Variants in THADA observed in about 807,000 individuals in gnomAD.
THADA encodes THADA armadillo repeat containing.
A neutral mutation model predicts 219.8 loss-of-function variants in THADA; 213 were observed. That is an observed-to-expected ratio of 0.97 (90% confidence interval 0.87 to 1.09). The LOEUF is 1.09. THADA is among the 50% of genes least tolerant of loss of function. The probability of loss-of-function intolerance (pLI) is 0.00; values close to 1 mark genes in which losing one functional copy is unlikely to be tolerated. For synonymous variants in THADA, 1,018 were observed against 828.9 expected (o/e 1.23, Z -3.92); for missense variants, 2,956 against 2,311.3 (o/e 1.28, Z -5.72).
At chr2:43,380,153 C>G (rs1340880755) in intron 29 of THADA, among the ~76,000 whole-genome samples, 1 of 152,102 alleles carries the variant, frequency 6.6e-6, no homozygotes, top group Non-Finnish European at 1.5e-5. Flanking sequence ...AGTGCAAAGA[C>G]TAAAGTTTAA....
chr2:43,398,500 G>A (rs1194831993), intron 28 of THADA, among the ~76,000 whole-genome samples: 1 of 152,148 alleles, frequency 6.6e-6, no homozygotes, highest in South Asian at 2.1e-4. Flanking sequence ...AGTCACCATT[G>A]TCTTTGAAGA....
intron 26 of THADA, 29 bp from the exon 27 acceptor site, chr2:43,430,331 A>G (rs1459106767): frequency 1.5e-6 from 2 of 1,301,452 alleles, no homozygotes; most frequent in Middle Eastern, 1.8e-4. Flanking sequence ...AAAATTTATT[A>G]TCATTTATTC....
chr2:43,593,461 A>G (rs1306973066), intron 1 of THADA, among the ~76,000 whole-genome samples: 1 of 152,188 alleles, frequency 6.6e-6, no homozygotes, highest in African/African-American at 2.4e-5. Flanking sequence ...AGGAGCCATA[A>G]CAAACAATGG....
rs548402739 is a variant in THADA, at chr2:43,352,584, A to G, written c.4228-8347T>C. 2.8e-4 allele frequency among the ~76,000 whole-genome samples: 42 copies of G among 152,142 alleles called. No individual in the cohort carries two copies. The East Asian group carries it at 5.6e-3, about 20-fold the overall frequency. ...AATAATAATAATAATAAAAAAATGC[A>G]GATGATTTGTTCAGTCAAGACAAAG... On this transcript the variant is annotated intron_variant, in intron 29 of 37. Coordinates refer to ENST00000405975, the MANE Select transcript of THADA (RefSeq NM_022065.5).
chr2:43,422,624 G>C (rs979751223), intron 28 of THADA, among the ~76,000 whole-genome samples: 1 of 152,136 alleles, frequency 6.6e-6, no homozygotes, highest in Non-Finnish European at 1.5e-5. Flanking sequence ...CCCTCATTTT[G>C]TATGTATATA....
chr2:43,435,332 G>A (rs948560964), intron 26 of THADA, among the ~76,000 whole-genome samples: 4 of 152,022 alleles, frequency 2.6e-5, no homozygotes, highest in Non-Finnish European at 5.9e-5. Context: ...GGTGGTGCAC[G>A]CCTGTAATCC....
chr2:43,588,762 A>G (rs934171307), intron 4 of THADA, among the ~76,000 whole-genome samples: 9 of 152,148 alleles, frequency 5.9e-5, no homozygotes, highest in Non-Finnish European at 1.3e-4. Flanking sequence ...ACAATTTAAC[A>G]ATATCTACCA....
intron 31 of THADA, among the ~76,000 whole-genome samples, chr2:43,301,424 A>G (rs1676252983): frequency 6.6e-6 from 1 of 152,198 alleles, no homozygotes; most frequent in Admixed American, 6.5e-5. Context: ...CGTTGTGTGC[A>G]GGTTCTGTTC....
chr2:43,417,448 A>G (rs1179534156), intron 28 of THADA, among the ~76,000 whole-genome samples: 2 of 152,132 alleles, frequency 1.3e-5, no homozygotes, highest in African/African-American at 4.8e-5. Flanking sequence ...TTTCTCAAGA[A>G]TCTCAAAACT....
intron 36 of THADA, among the ~76,000 whole-genome samples, chr2:43,256,288 T>A (rs967551388): frequency 6.6e-6 from 1 of 151,702 alleles, no homozygotes; most frequent in African/African-American, 2.4e-5. Context: ...GTGGGAGTTA[T>A]CACTTGAGCA....
intron 26 of THADA, among the ~76,000 whole-genome samples, chr2:43,457,267 A>G (rs138958273): frequency 5.3e-5 from 8 of 152,230 alleles, no homozygotes; most frequent in African/African-American, 1.9e-4. Context: ...ACACATAATA[A>G]GATACCAATA....
rs1041407938 is a variant in THADA at position 43,480,928 on chromosome 2, G to A, written c.3836+4306C>T. 5.3e-5 allele frequency among the ~76,000 whole-genome samples: 8 copies of A among 152,192 alleles called. No homozygotes were observed. The South Asian group carries it at 8.3e-4, about 16-fold the overall frequency. On this transcript the variant is annotated intron_variant, in intron 26 of 37. Transcript: ENST00000405975. ...CTTGCTACAAGTTACTATGTAGTTC[G>A]AAGCAAATAAGCTATTCTGAATTCT... is the stretch of plus-strand genomic sequence containing the variant.
chr2:43,288,469 T>C lies in THADA; in HGVS notation c.5011-1408A>G, dbSNP rs569478864. On this transcript the variant is annotated intron_variant, in intron 34 of 37. Coordinates refer to ENST00000405975, the MANE Select transcript of THADA (RefSeq NM_022065.5). Reference sequence around the variant, plus strand: ...ACACTATTGTTTAAACAAAGCAGTGTTGTTTTTATTTTTTAGAAAACTAGA... The same window carrying C: ...ACACTATTGTTTAAACAAAGCAGTGCTGTTTTTATTTTTTAGAAAACTAGA... Among the ~76,000 whole-genome samples the C allele has an allele frequency of 5.3e-5, 8 of 152,322 alleles. No individual in the cohort carries two copies. In the South Asian group the frequency reaches 1.4e-3, roughly 28 times the overall value.
At chr2:43,536,257 C>T (rs1694589942) in intron 21 of THADA, among the ~76,000 whole-genome samples, 2 of 152,066 alleles carry the variant, frequency 1.3e-5, no homozygotes, top group African/African-American at 4.8e-5. Context: ...AATCAGTTGG[C>T]GGTAGATACA....
chr2:43,483,304 C>G (rs139926170), intron 26 of THADA, among the ~76,000 whole-genome samples: 1 of 152,118 alleles, frequency 6.6e-6, no homozygotes, highest in African/African-American at 2.4e-5. Context: ...TTGGAAGGAA[C>G]AGGCATATAA....
intron 29 of THADA, among the ~76,000 whole-genome samples, chr2:43,378,899 C>T (rs992622890): frequency 6.6e-6 from 1 of 152,154 alleles, no homozygotes; most frequent in Non-Finnish European, 1.5e-5. Context: ...AGCCATCGCA[C>T]CAGCCTAATA....
intron 30 of THADA, among the ~76,000 whole-genome samples, chr2:43,323,051 C>T (rs1435365407): frequency 7.2e-5 from 11 of 152,238 alleles, no homozygotes; most frequent in East Asian, 5.8e-4. Flanking sequence ...ACTATATACT[C>T]GGTTCTGATC....
intron 30 of THADA, among the ~76,000 whole-genome samples, chr2:43,331,433 T>C (rs17030700): frequency 0.01 from 1,565 of 152,334 alleles, 28 homozygotes; most frequent in African/African-American, 0.035. Context: ...AAGCATTTAG[T>C]GCATTTCATG....
chr2:43,479,939 A>T (rs1027437131), intron 26 of THADA, among the ~76,000 whole-genome samples: 2 of 152,256 alleles, frequency 1.3e-5, no homozygotes, highest in African/African-American at 2.4e-5. Flanking sequence ...TTCCTGCTAA[A>T]ATCAACCTAC....
Sources: allele counts gnomAD v4.1 joint callset (sites outside exome capture counted in the v4.1 genomes callset), GRCh38; gene constraint gnomAD v4.1.1; transcripts MANE v1.5; gene names NCBI Gene and HGNC (gene_info 2026-07-23, HGNC 2026-07-21).